Variants in ERBB4 observed in about 807,000 individuals in gnomAD.
The protein encoded by ERBB4 is erb-b2 receptor tyrosine kinase 4.
ERBB4 carries 42 observed loss-of-function variants against 158.0 expected under a neutral mutation model. That is an observed-to-expected ratio of 0.27 (90% CI 0.21 to 0.34). ERBB4 has a LOEUF of 0.34. ERBB4 is among the 10% of genes least tolerant of loss of function. The pLI, the probability that ERBB4 is intolerant of heterozygous loss-of-function variation, is 1.00. For synonymous variants in ERBB4, 583 were observed against 558.7 expected, an observed-to-expected ratio of 1.04 and a Z score of -0.61; for missense variants, 1,333 against 1,624.1, an observed-to-expected ratio of 0.82 and a Z score of 3.08.
intron 4 of ERBB4, among the ~76,000 whole-genome samples, chr2:211,765,036 G>A (rs139091142): frequency 1.3e-5 from 2 of 152,276 alleles, no homozygotes; most frequent in East Asian, 3.9e-4. Context: ...TCAGGGTGGA[G>A]GGTGGTGTAG....
intron 4 of ERBB4, among the ~76,000 whole-genome samples, chr2:211,784,978 C>T (rs1054840700): frequency 1.5e-4 from 23 of 152,050 alleles, no homozygotes; most frequent in African/African-American, 5.3e-4. Flanking sequence ...TATTGAGTTG[C>T]AGGTTCTACA....
At chr2:212,262,369 C>T (rs912494958) in intron 1 of ERBB4, among the ~76,000 whole-genome samples, 7 of 152,046 alleles carry the variant, frequency 4.6e-5, no homozygotes, top group Admixed American at 3.9e-4. Flanking sequence ...CCATTATCCA[C>T]ATATATATAT....
chr2:212,518,628 C>CT (rs933740868), intron 1 of ERBB4, among the ~76,000 whole-genome samples: 1 of 151,856 alleles, frequency 6.6e-6, no homozygotes, highest in Non-Finnish European at 1.5e-5. Context: ...AAAATGTGAT[C>CT]TTTTTTTGCG....
At chr2:212,362,260 T>C (rs2089716217) in intron 1 of ERBB4, among the ~76,000 whole-genome samples, 1 of 151,418 alleles carries the variant, frequency 6.6e-6, no homozygotes, top group African/African-American at 2.4e-5. Context: ...ATAAAGACTT[T>C]GTAACTCAAT....
In ERBB4 at chr2:212,187,450, A is replaced by AAT. The variant is rs1401638762; in HGVS notation, c.83-62548_83-62547insAT. On this transcript the variant is annotated intron_variant, in intron 1 of 27. Transcript: ENST00000342788. ...AAATAAATAAATAAATAAATAAATAAAGATGTTAATCTTCCATTATAATTA... is the reference window on the plus strand; with the variant it reads ...AAATAAATAAATAAATAAATAAATAAATAGATGTTAATCTTCCATTATAATTA... Among the ~76,000 whole-genome samples the AAT allele has an allele frequency of 6.7e-5, 10 of 149,944 alleles. No homozygotes were observed. The South Asian group carries it at 1.9e-3, about 28-fold the overall frequency.
intron 1 of ERBB4, among the ~76,000 whole-genome samples, chr2:212,333,651 G>C (rs2088290120): frequency 6.6e-6 from 1 of 150,792 alleles, no homozygotes; most frequent in Non-Finnish European, 1.5e-5. Context: ...CCATGATCTT[G>C]TCATTGCACT....
intron 5 of ERBB4, among the ~76,000 whole-genome samples, chr2:211,745,189 T>TA (rs1172275280): frequency 1.3e-5 from 2 of 152,230 alleles, no homozygotes; most frequent in African/African-American, 4.8e-5. Flanking sequence ...TAACTGACTT[T>TA]AAAAAAATGA....
intron 1 of ERBB4, among the ~76,000 whole-genome samples, chr2:212,348,988 G>T (rs1445096979): frequency 1.3e-5 from 2 of 152,058 alleles, no homozygotes; most frequent in Admixed American, 1.3e-4. Flanking sequence ...GTCTGTGTGT[G>T]GTGGTCCTAT....
At chr2:212,365,898 T>C (rs952780796) in intron 1 of ERBB4, among the ~76,000 whole-genome samples, 1 of 151,850 alleles carries the variant, frequency 6.6e-6, no homozygotes, top group African/African-American at 2.4e-5. Context: ...AAGTGTACCT[T>C]GAAGGGAAAA....
intron 3 of ERBB4, among the ~76,000 whole-genome samples, chr2:211,907,590 T>C (rs981666206): frequency 4.6e-5 from 7 of 151,718 alleles, no homozygotes; most frequent in Admixed American, 1.3e-4. Context: ...GACTCTTTTT[T>C]TCTTTCTACT....
At chr2:212,330,215 T>A (rs1333449135) in intron 1 of ERBB4, among the ~76,000 whole-genome samples, 4 of 72,832 alleles carry the variant, frequency 5.5e-5, no homozygotes, top group African/African-American at 1.9e-4. Context: ...TTGTGCTGTA[T>A]CTGTGTTTTT....
intron 1 of ERBB4, among the ~76,000 whole-genome samples, chr2:212,348,858 T>C (rs933730211): frequency 5.9e-5 from 9 of 152,088 alleles, no homozygotes; most frequent in African/African-American, 1.9e-4. Context: ...ACTTCTGTAA[T>C]GATAATCCAA....
Position 211,782,674 on chromosome 2 carries a change from C to T in ERBB4, c.556+5351G>A, listed in dbSNP as rs138294292. 6.2e-3 allele frequency among the ~76,000 whole-genome samples: 937 copies of T among 152,142 alleles called. 18 individuals are homozygous for T. The highest frequency in any genetic ancestry group is 0.048 in the Middle Eastern group (14 of 294). On this transcript the variant is annotated intron_variant, in intron 4 of 27. Coordinates refer to ENST00000342788, the MANE Select transcript of ERBB4 (RefSeq NM_005235.3). ...GATGGTGTAGTTCAGAGAATGGATT[C>T]GGGAGCCAAACTGTGTGGTATTATT...
chr2:212,238,771 C>T (rs1002715846), intron 1 of ERBB4, among the ~76,000 whole-genome samples: 2 of 151,894 alleles, frequency 1.3e-5, no homozygotes, highest in African/African-American at 4.8e-5. Flanking sequence ...AATGATACAG[C>T]TATCAGCAAG....
At chr2:211,389,887 T>C (rs945415171) in intron 25 of ERBB4, among the ~76,000 whole-genome samples, 1 of 152,214 alleles carries the variant, frequency 6.6e-6, no homozygotes, top group Middle Eastern at 3.2e-3. Flanking sequence ...TAAATATTCA[T>C]ATCTACTAAA....
intron 1 of ERBB4, among the ~76,000 whole-genome samples, chr2:212,446,511 C>A (rs1453742117): frequency 7.1e-6 from 1 of 141,838 alleles, no homozygotes; most frequent in African/African-American, 2.6e-5. Flanking sequence ...GCTCTCCTTG[C>A]ACCTCAGCTT....
At chr2:212,182,749 T>C (rs1478471579) in intron 1 of ERBB4, among the ~76,000 whole-genome samples, 1 of 151,836 alleles carries the variant, frequency 6.6e-6, no homozygotes, top group Non-Finnish European at 1.5e-5. Context: ...GTATAAAAAT[T>C]AGACTTGCTT....
chr2:211,571,038 C>CCTCTTTTTTTTTTTTTTTTTTTTTT (rs1437512949), intron 19 of ERBB4, among the ~76,000 whole-genome samples: 1 of 58,736 alleles, frequency 1.7e-5, no homozygotes, highest in African/African-American at 7.6e-5. Context: ...GAGTACTCTT[C>CCTCTTTTTTTTTTTTTTTTTTTTTT]TTCTTTTTTT....
chr2:211,389,623 A>G (rs760005013), intron 25 of ERBB4, among the ~76,000 whole-genome samples: 37 of 152,294 alleles, frequency 2.4e-4, no homozygotes, highest in Non-Finnish European at 2.2e-4. Flanking sequence ...TATGGCATGG[A>G]AAGTCAGAGA....
Sources: gnomAD v4.1 joint callset for allele counts (sites outside exome capture counted in the v4.1 genomes callset) on GRCh38, gnomAD v4.1.1 for gene constraint, MANE v1.5 for transcripts, NCBI Gene and HGNC (gene_info 2026-07-23, HGNC 2026-07-21) for gene names.